CLPB: variants seen among roughly 807,000 people sequenced by gnomAD.
CLPB encodes mitochondrial disaggregase.
Under a neutral mutation model 78.4 loss-of-function variants are expected in CLPB, and 40 were observed. That is an observed-to-expected ratio of 0.51 (90% CI 0.40 to 0.66). The LOEUF is 0.66. Among genes scored for constraint, CLPB ranks in the 30% least tolerant of loss-of-function variants. The pLI, the probability that CLPB is intolerant of heterozygous loss-of-function variation, is 0.00. For synonymous variants in CLPB, 333 were observed against 348.0 expected (o/e 0.96, Z 0.48); for missense variants, 780 against 886.9 (o/e 0.88, Z 1.53).
At chr11:72,386,775 A>T (rs1048133400) in intron 3 of CLPB, among the ~76,000 whole-genome samples, 9 of 152,220 alleles carry the variant, frequency 5.9e-5, no homozygotes, top group African/African-American at 1.7e-4. Flanking sequence ...TAAGATTTCA[A>T]AGAGAAATGA....
At chr11:72,421,654 G>A (rs773299937) in intron 2 of CLPB, among the ~76,000 whole-genome samples, 3 of 152,172 alleles carry the variant, frequency 2.0e-5, no homozygotes, top group Admixed American at 6.5e-5. Flanking sequence ...CTCCCTCCAG[G>A]CCCACTGCGT....
intron 4 of CLPB, 128 bp downstream of exon 4, chr11:72,380,153 G>T: frequency 1.4e-6 from 1 of 699,106 alleles, no homozygotes. Context: ...GGGTCTCCAT[G>T]AGTCCACAGA....
chr11:72,333,647 G>A (rs2135556822), intron 5 of CLPB, among the ~76,000 whole-genome samples: 1 of 152,326 alleles, frequency 6.6e-6, no homozygotes, highest in South Asian at 2.1e-4. Flanking sequence ...GGAGACAGGA[G>A]GTCACAGACT....
At chr11:72,319,345 C>T (rs1939418096) in intron 6 of CLPB, among the ~76,000 whole-genome samples, 2 of 152,254 alleles carry the variant, frequency 1.3e-5, no homozygotes, top group Non-Finnish European at 1.5e-5. Context: ...GCCTGGCTCA[C>T]AGCAGGCGTC....
intron 4 of CLPB, among the ~76,000 whole-genome samples, chr11:72,367,846 G>A (rs1950973484): frequency 6.6e-6 from 1 of 151,808 alleles, no homozygotes. Context: ...GAGAGGAAGA[G>A]AAGCTTTTTT....
chr11:72,329,912 G>T, intron 5 of CLPB, 108 bp from the exon 6 acceptor site: 1 of 765,610 alleles, frequency 1.3e-6, no homozygotes, highest in South Asian at 1.7e-5. Context: ...GAATGTCCAT[G>T]GACACCTACA....
rs760171635 is a variant in CLPB at position 72,301,994 on chromosome 11, GGCCTTTCTGT to G, written c.1168-40_1168-31del. Reference sequence around the variant, plus strand: ...TAGAAGGAAGGAAACATGCTAGGAAGGCCTTTCTGTGCTTTTAGTTTCCAACATGGGGCAT... The same window carrying G: ...TAGAAGGAAGGAAACATGCTAGGAAGGCTTTTAGTTTCCAACATGGGGCAT... On this transcript the variant is annotated intron_variant, in intron 10 of 15. Transcript: ENST00000538039. The G allele has an allele frequency of 2.5e-6, 4 of 1,609,878 alleles. No individual in the cohort carries two copies. In the African/African-American group the frequency reaches 5.3e-5, roughly 22 times the overall value.
At chr11:72,384,182 C>T (rs1239716914) in intron 3 of CLPB, among the ~76,000 whole-genome samples, 1 of 152,120 alleles carries the variant, frequency 6.6e-6, no homozygotes, top group Non-Finnish European at 1.5e-5. Flanking sequence ...CCCCAAAAAC[C>T]TCACTGGTAA....
intron 6 of CLPB, among the ~76,000 whole-genome samples, chr11:72,326,486 A>C (rs1950135632): frequency 6.6e-6 from 1 of 152,180 alleles, no homozygotes; most frequent in South Asian, 2.1e-4. Context: ...TGTATCTCTA[A>C]AACTTCTATA....
At chr11:72,392,204 C>T (rs1855274124) in intron 3 of CLPB, among the ~76,000 whole-genome samples, 1 of 152,034 alleles carries the variant, frequency 6.6e-6, no homozygotes, top group Non-Finnish European at 1.5e-5. Context: ...TCCCCACCCC[C>T]CACATCTGAA....
chr11:72,341,049 T>C (rs928881856), intron 5 of CLPB, among the ~76,000 whole-genome samples: 3 of 152,296 alleles, frequency 2.0e-5, no homozygotes, highest in Non-Finnish European at 4.4e-5. Flanking sequence ...GGTCATCTCC[T>C]GACCTCGTGA....
At chr11:72,307,753 A>G (rs1438318963) in intron 8 of CLPB, among the ~76,000 whole-genome samples, 1 of 152,188 alleles carries the variant, frequency 6.6e-6, no homozygotes, top group Non-Finnish European at 1.5e-5. Context: ...AGGAATGACA[A>G]TACTGAAGTG....
intron 2 of CLPB, among the ~76,000 whole-genome samples, chr11:72,428,512 C>T (rs1427176716): frequency 6.6e-6 from 1 of 152,156 alleles, no homozygotes; most frequent in Admixed American, 6.5e-5. Flanking sequence ...CAACATATTC[C>T]GCAGGCCCAG....
At position 72,292,565 on chromosome 11, in the gene CLPB, T is replaced by G. The variant is rs1410852856; in HGVS notation, c.*802A>C. 1 of 152,340 alleles carries G rather than the reference T, an allele frequency of 6.6e-6. No individual in the cohort carries two copies. The highest frequency in any genetic ancestry group is 6.5e-5 in the Admixed American group (1 of 15,286). 9.4% of individuals were successfully genotyped at this position (152,340 alleles called of 1,614,324 possible). A position where few individuals can be genotyped will look rare whatever the true frequency, so the allele number is the denominator to read the frequency against. On this transcript the variant is annotated 3_prime_UTR_variant, in exon 16 of 16. Coordinates refer to ENST00000538039, the MANE Select transcript of CLPB (RefSeq NM_001258392.3). ...ACCCATGATCTCTCTTCCTACAGCT[T>G]CCTAATGTCTGCGATGTTGGTCTTT...
intron 11 of CLPB, 125 bp downstream of exon 11, chr11:72,301,678 G>T: frequency 9.5e-7 from 1 of 1,057,520 alleles, no homozygotes; most frequent in Non-Finnish European, 1.4e-6. Context: ...ATGAATGAAT[G>T]TACACATGCG....
At chr11:72,328,327 T>C (rs1387869852) in intron 6 of CLPB, among the ~76,000 whole-genome samples, 1 of 152,216 alleles carries the variant, frequency 6.6e-6, no homozygotes, top group Non-Finnish European at 1.5e-5. Flanking sequence ...ATAAATCTTA[T>C]TTTGTTTTGT....
chr11:72,319,737 GTC>G (rs1950011495), intron 6 of CLPB, among the ~76,000 whole-genome samples: 1 of 152,216 alleles, frequency 6.6e-6, no homozygotes, highest in African/African-American at 2.4e-5. Flanking sequence ...TCTTAGCAGA[GTC>G]TCTGGCACAT....
intron 2 of CLPB, among the ~76,000 whole-genome samples, chr11:72,414,247 A>G (rs1007380935): frequency 6.6e-6 from 1 of 152,226 alleles, no homozygotes; most frequent in Non-Finnish European, 1.5e-5. Flanking sequence ...ACCCCTGCCC[A>G]GAGCTATTAA....
At chr11:72,368,137 T>C (rs17162131) in intron 4 of CLPB, among the ~76,000 whole-genome samples, 4,044 of 152,280 alleles carry the variant, frequency 0.027, 167 homozygotes, top group African/African-American at 0.091. Flanking sequence ...GTCAGGCTCA[T>C]TCGAGGCAGC....
Sources: gnomAD v4.1 joint callset for allele counts (sites outside exome capture counted in the v4.1 genomes callset) on GRCh38, gnomAD v4.1.1 for gene constraint, MANE v1.5 for transcripts, NCBI Gene and HGNC (gene_info 2026-07-23, HGNC 2026-07-21) for gene names.